Variants in WASHC2C observed in about 807,000 individuals in gnomAD.
WASHC2C encodes WASH complex subunit 2C, also known as Vaccinia Penetration Factor.
A neutral mutation model predicts 142.2 loss-of-function variants in WASHC2C; 73 were observed. The observed-to-expected ratio is 0.51, with a 90% CI of 0.43 to 0.62. The LOEUF (loss-of-function observed/expected upper bound fraction) is 0.62, where lower values mean the gene tolerates loss of function less well. WASHC2C is among the 20% of genes least tolerant of loss of function. The pLI is 0.00. For missense variants in WASHC2C, 969 were observed against 1,531.7 expected (o/e 0.63, Z 6.13); for synonymous variants, 337 against 565.5 (o/e 0.60, Z 5.73).
intron 7 of WASHC2C, 127 bp from the exon 8 acceptor site, chr10:45,746,473 A>C: frequency 8.9e-7 from 1 of 1,123,902 alleles, no homozygotes; most frequent in Non-Finnish European, 1.4e-6. Flanking sequence ...GTACAAAGAG[A>C]CTGAGTGTCA....
intron 4 of WASHC2C, among the ~76,000 whole-genome samples, chr10:45,739,621 T>G (rs2051730416): frequency 6.6e-6 from 1 of 151,658 alleles, no homozygotes; most frequent in Non-Finnish European, 1.5e-5. Flanking sequence ...TTTTTTTTTT[T>G]GTCTCTTTAA....
chr10:45,773,307 C>G lies in WASHC2C; in HGVS notation c.2091C>G (p.Ser697Arg), dbSNP rs577995300. Residue 697 changes from serine (S) to arginine (R), a missense_variant, in exon 21 of 31, where the codon AGC becomes AGG. By Grantham distance (110) the Ser-to-Arg change is moderately radical. Transcript: ENST00000623400. Reference protein sequence around the residue: ...VSLLFEDDVDSGGSLFGSPPT... With the variant: ...VSLLFEDDVDRGGSLFGSPPT... ...TCCTCTTTGAAGACGATGTTGATAG[C>G]GGAGGCTCTCTGTTTGGCTCTCCTC... 9.8e-7 allele frequency: 1 copy of G among 1,019,474 alleles called. No individual in the cohort carries two copies. Among genetic ancestry groups the G allele is most frequent in the African/African-American group, 1.7e-5 (1 of 60,312 alleles). The allele number at this position is 1,019,474 out of a possible 1,614,324, so 63.2% of individuals were successfully genotyped here.
Position 45,792,498 on chromosome 10 carries a change from A to G in WASHC2C, c.*98A>G. 6.6e-7 allele frequency: 1 copy of G among 1,514,682 alleles called. No homozygotes were observed. The highest frequency in any genetic ancestry group is 1.4e-5 in the African/African-American group (1 of 71,780). The allele number at this position is 1,514,682 out of a possible 1,614,324, so 93.8% of individuals were successfully genotyped here. ...GTCTTAACTGGATTACAAAAAGCAA[A>G]TACTAGAACAGCTAGCTCATCTTTT... On this transcript the variant is annotated 3_prime_UTR_variant, in exon 31 of 31. Coordinates refer to ENST00000623400, the MANE Select transcript of WASHC2C (RefSeq NM_001330074.2).
rs2049986217 is a variant in WASHC2C, at chr10:45,727,433, C to G, written c.20C>G (p.Pro7Arg). Residue 7 changes from proline (P) to arginine (R), a missense_variant, in exon 2 of 31, where the codon CCC (proline) becomes CGC (arginine). Coordinates refer to ENST00000623400, the MANE Select transcript of WASHC2C (RefSeq NM_001330074.2). ...TCGCTGCAGATGAACCGGACGACCC[C>G]CGACCAGGAGCTGGTGCCGGCGTCG... Reference protein sequence around the residue: MMNRTTPDQELVPASEP... With the variant: MMNRTTRDQELVPASEP... 3 of 1,611,488 alleles carry G rather than the reference C, an allele frequency of 1.9e-6. No homozygotes were observed. The highest frequency in any genetic ancestry group is 2.5e-6 in the Non-Finnish European group (3 of 1,179,478).
rs2058262408 is a variant in WASHC2C, at chr10:45,789,405, C to T, written c.3622C>T (p.Leu1208Phe). The T allele has an allele frequency of 3.8e-5, 61 of 1,612,058 alleles. No homozygotes were observed. In the South Asian group the frequency reaches 6.2e-4, roughly 16 times the overall value. The change falls in exon 29 of 31, where the codon CTC (leucine) becomes TTC (phenylalanine). Residue 1208 changes from leucine (L) to phenylalanine (F), a missense_variant. By Grantham distance (22) the Leu-to-Phe change is conservative (BLOSUM62 0). Coordinates refer to ENST00000623400, the MANE Select transcript of WASHC2C (RefSeq NM_001330074.2). The part of the protein sequence containing the change: ...PFPLLEDEDD[L>F]FTDQKVKKNE... ...TCCTCTCCTGGAAGATGAGGATGAC[C>T]TCTTTACAGATCAGAAAGTCAAGAA...
At position 45,753,343 on chromosome 10, in the gene WASHC2C, G is replaced by C. The variant is rs1256476460; in HGVS notation, c.1180+106G>C. ...TTCCCAAGCCTTGTTTCTGTGTCAA[G>C]CAAGAAGCTGTTGTTTTTACTGCGG... On this transcript the variant is annotated intron_variant, in intron 13 of 30. Coordinates refer to ENST00000623400, the MANE Select transcript of WASHC2C (RefSeq NM_001330074.2). The C allele has an allele frequency of 7.7e-6, 9 of 1,172,106 alleles. 1 individual carries two copies. The highest frequency in any genetic ancestry group is 9.5e-6 in the Non-Finnish European group (8 of 841,076). 72.6% of individuals were successfully genotyped at this position (1,172,106 alleles called of 1,614,324 possible).
At chr10:45,786,953 C>T in intron 27 of WASHC2C, 82 bp from the exon 28 acceptor site, 1 of 1,611,860 alleles carries the variant, frequency 6.2e-7, no homozygotes, top group South Asian at 1.1e-5. Context: ...ATTATGTGTA[C>T]CGAATCTTGT....
At position 45,789,141 on chromosome 10, in the gene WASHC2C, C is replaced by G; in HGVS notation, c.3358C>G (p.Leu1120Val). The G allele has an allele frequency of 3.1e-6, 5 of 1,612,086 alleles. No homozygotes were observed. Among genetic ancestry groups the G allele is most frequent in the Admixed American group, 1.7e-5 (1 of 60,028 alleles). ...GGACACAAGCCCCTTTGCAAAGTCT[C>G]TGGGTCATTCCAGAGGGGAGGCTGA... ...GVDTSPFAKS[L>V]GHSRGEADLF... Residue 1120 changes from leucine to valine, a missense_variant, in exon 29 of 31, where the codon CTG becomes GTG. Physicochemically the swap from Leu to Val is conservative, Grantham distance 32 (BLOSUM62 1). Coordinates refer to ENST00000623400, the MANE Select transcript of WASHC2C (RefSeq NM_001330074.2).
chr10:45,786,258 G>A (rs201716919), intron 26 of WASHC2C: 10,108 of 402,774 alleles, frequency 0.025, 106 homozygotes, highest in African/African-American at 0.039. Flanking sequence ...ATTAGGCTAT[G>A]GTTGAATTTT....
At chr10:45,773,836 A>G (rs1383495407) in intron 21 of WASHC2C, among the ~76,000 whole-genome samples, 1 of 146,794 alleles carries the variant, frequency 6.8e-6, no homozygotes, top group African/African-American at 2.5e-5. Flanking sequence ...AATACTATAC[A>G]GTGGTAAAAA....
At chr10:45,751,774 A>G (rs1341525151) in intron 11 of WASHC2C, among the ~76,000 whole-genome samples, 1 of 152,104 alleles carries the variant, frequency 6.6e-6, no homozygotes, top group Admixed American at 6.5e-5. Context: ...TCAGGAGTTT[A>G]AGACCAGCCT....
chr10:45,790,773 A>C (rs2058349223), intron 30 of WASHC2C, among the ~76,000 whole-genome samples: 1 of 152,200 alleles, frequency 6.6e-6, no homozygotes, highest in Admixed American at 6.5e-5. Context: ...GTTTAAGTAT[A>C]ATTTAACTTT....
At position 45,752,651 on chromosome 10, in the gene WASHC2C, C is replaced by T. The variant is rs782204511; in HGVS notation, c.1067C>T (p.Ser356Phe). The change falls in exon 12 of 31, where the codon TCT (serine) becomes TTT (phenylalanine). Residue 356 changes from serine (S) to phenylalanine (F), a missense_variant. Physicochemically the swap from Ser to Phe is radical, Grantham distance 155 (BLOSUM62 -2). Coordinates refer to ENST00000623400, the MANE Select transcript of WASHC2C (RefSeq NM_001330074.2). ...GACGAGGACTTCTCGCCATTTGGCT[C>T]TGGAGGTGGCCTGTTCAGTGGCGGC... ...LTDEDFSPFG[S>F]GGGLFSGGKG... is the part of the protein sequence containing the mutation. 4 of 1,609,664 alleles carry T rather than the reference C, an allele frequency of 2.5e-6. No homozygotes were observed. In the African/African-American group the frequency reaches 5.4e-5, roughly 22 times the overall value.
At chr10:45,747,784 G>T (rs1176330694) in intron 8 of WASHC2C, among the ~76,000 whole-genome samples, 1 of 150,582 alleles carries the variant, frequency 6.6e-6, no homozygotes, top group Non-Finnish European at 1.5e-5. Flanking sequence ...GTGGAGTCAG[G>T]GTCTTCCCAT....
At chr10:45,782,435 T>TAA (rs71520979) in intron 23 of WASHC2C, among the ~76,000 whole-genome samples, 19 of 87,334 alleles carry the variant, frequency 2.2e-4, no homozygotes, top group South Asian at 3.5e-4. Flanking sequence ...AGGACCATAA[T>TAA]AAAAAAAAAA....
chr10:45,758,606 C>CTTTTTTTT (rs60416109), intron 16 of WASHC2C, among the ~76,000 whole-genome samples: 1 of 128,170 alleles, frequency 7.8e-6, no homozygotes, highest in Non-Finnish European at 1.7e-5. Flanking sequence ...CATTCTTCTT[C>CTTTTTTTT]TTTTTTTTTT....
At chr10:45,742,646 A>C (rs544511690) in intron 5 of WASHC2C, among the ~76,000 whole-genome samples, 185 of 152,286 alleles carry the variant, frequency 1.2e-3, no homozygotes, top group Middle Eastern at 6.8e-3. Flanking sequence ...ATATATAGAT[A>C]TATTATGTCT....
chr10:45,755,155 A>C (rs1473503303), intron 15 of WASHC2C, 40 bp downstream of exon 15: 2 of 1,564,444 alleles, frequency 1.3e-6, no homozygotes, highest in African/African-American at 2.7e-5. Flanking sequence ...TTCAGCCAGA[A>C]AAAGAATGTT....
In WASHC2C at chr10:45,790,232, T is replaced by A. The variant is rs2058319282; in HGVS notation, c.3709-124T>A. The A allele has an allele frequency of 4.0e-6, 6 of 1,491,392 alleles. No individual in the cohort carries two copies. The Admixed American group carries it at 6.3e-5, about 16-fold the overall frequency. 92.4% of individuals were successfully genotyped at this position (1,491,392 alleles called of 1,614,324 possible). Reference sequence around the variant, plus strand: ...CTGGGGTAGTGCATCCCAGGCAGAGTGGGCAGTCTCGAGGCCGTTCCACAC... The same window carrying A: ...CTGGGGTAGTGCATCCCAGGCAGAGAGGGCAGTCTCGAGGCCGTTCCACAC... On this transcript the variant is annotated intron_variant, in intron 29 of 30. Transcript: ENST00000623400.
Sources: gnomAD v4.1 joint callset for allele counts (sites outside exome capture counted in the v4.1 genomes callset) on GRCh38, gnomAD v4.1.1 for gene constraint, MANE v1.5 for transcripts, NCBI Gene and HGNC (gene_info 2026-07-23, HGNC 2026-07-21) for gene names.